SATB1: variants seen among roughly 807,000 people sequenced by gnomAD.
SATB1 encodes the protein DNA-binding protein SATB1.
Under a neutral mutation model 86.9 loss-of-function variants are expected in SATB1, and 11 were observed. The ratio of observed to expected loss-of-function variants is 0.13; its 90% CI spans 0.08 to 0.21. The LOEUF (loss-of-function observed/expected upper bound fraction) is 0.21, where lower values mean the gene tolerates loss of function less well. Ranked by LOEUF, SATB1 falls within the 10% of genes least tolerant of loss-of-function variation. The probability of loss-of-function intolerance (pLI) is 1.00; values close to 1 mark genes in which losing one functional copy is unlikely to be tolerated. For synonymous variants in SATB1, 357 were observed against 357.2 expected (o/e 1.00, Z 0.01); for missense variants, 551 against 937.6 (o/e 0.59, Z 5.39).
chr3:18,401,648 C>T (rs1165407720), intron 5 of SATB1, among the ~76,000 whole-genome samples: 2 of 152,130 alleles, frequency 1.3e-5, no homozygotes, highest in African/African-American at 2.4e-5. Flanking sequence ...CTACACGGTA[C>T]ACCAACCAAT....
At chr3:18,381,280 T>G (rs1696047076) in intron 8 of SATB1, among the ~76,000 whole-genome samples, 1 of 152,220 alleles carries the variant, frequency 6.6e-6, no homozygotes, top group Admixed American at 6.5e-5. Context: ...CAGCCTTGAT[T>G]GGTGAACATC....
rs777437474 is a variant in SATB1, at chr3:18,394,813, A to C, written c.855T>G (p.Pro285=). ...GCTGGCTGCCATGGGAGAGCTGCGC[A>C]GGGGATGGAGGCTGCTCGGCTGTGT... ...PGNTAEQPPS[P]AQLSHGSQPS... The change falls in exon 7 of 11, where the codon CCT becomes CCG. Residue 285 remains proline, a synonymous_variant. Transcript: ENST00000338745. The surrounding 1 kb of genome is among the most constrained non-coding windows in gnomAD (Gnocchi z 5.9). 2.5e-6 allele frequency: 4 copies of C among 1,614,022 alleles called. No homozygotes were observed. The highest frequency in any genetic ancestry group is 3.4e-6 in the Non-Finnish European group (4 of 1,180,032).
At chr3:18,430,618 A>G (rs973122975) in intron 2 of SATB1, among the ~76,000 whole-genome samples, 1 of 152,222 alleles carries the variant, frequency 6.6e-6, no homozygotes, top group Non-Finnish European at 1.5e-5. Flanking sequence ...GGGCATCCAG[A>G]TAACAAATAA....
At chr3:18,384,355 G>T (rs768742652) in intron 8 of SATB1, among the ~76,000 whole-genome samples, 1 of 151,928 alleles carries the variant, frequency 6.6e-6, no homozygotes, top group African/African-American at 2.4e-5. Flanking sequence ...GATGAGTAAG[G>T]ACACCCAAAT....
At chr3:18,353,496 C>T (rs895602697) in intron 9 of SATB1, among the ~76,000 whole-genome samples, 11 of 151,972 alleles carry the variant, frequency 7.2e-5, no homozygotes, top group African/African-American at 1.9e-4. Flanking sequence ...AGACATTTCT[C>T]GGAAATTTTA....
Position 18,424,589 on chromosome 3 carries a change from G to A in SATB1, c.-987C>T, listed in dbSNP as rs746502581. The A allele has an allele frequency of 6.6e-6, 1 of 152,222 alleles. No individual in the cohort carries two copies. 9.4% of individuals were successfully genotyped at this position (152,222 alleles called of 1,614,324 possible). A position where few individuals can be genotyped will look rare whatever the true frequency, so the allele number is the denominator to read the frequency against. ...AGGAGAGAAGAGGTTCGGGGGGAGG[G>A]GGAGGAGGAGGAAGATCAGAAGGCA... is the stretch of plus-strand genomic sequence containing the variant. On this transcript the variant is annotated 5_prime_UTR_variant, in exon 1 of 11. Coordinates refer to ENST00000338745, the MANE Select transcript of SATB1 (RefSeq NM_002971.6).
At chr3:18,410,603 T>A (rs1295949040) in intron 5 of SATB1, among the ~76,000 whole-genome samples, 2 of 152,062 alleles carry the variant, frequency 1.3e-5, no homozygotes, top group Admixed American at 6.6e-5. Context: ...TCCTTAACAC[T>A]ACATAGGAAA....
intron 5 of SATB1, among the ~76,000 whole-genome samples, chr3:18,410,539 C>G (rs1309194792): frequency 1.3e-5 from 2 of 151,976 alleles, no homozygotes; most frequent in African/African-American, 2.4e-5. Context: ...CTCGATACAT[C>G]AAAAGCACTA....
chr3:18,415,318 T>C, intron 4 of SATB1, 84 bp from the exon 5 acceptor site: 1 of 1,518,402 alleles, frequency 6.6e-7, no homozygotes, highest in South Asian at 1.2e-5. Flanking sequence ...ACAGATTTCA[T>C]TTTGCGCATC....
Position 18,420,929 on chromosome 3 carries a change from A to G in SATB1, c.39T>C (p.His13=), listed in dbSNP as rs1340251757. 1.9e-6 allele frequency: 3 copies of G among 1,614,152 alleles called. No individual in the cohort carries two copies. Among genetic ancestry groups the G allele is most frequent in the South Asian group, 2.2e-5 (2 of 91,082 alleles). The change falls in exon 2 of 11, where the codon CAT becomes CAC. Residue 13 remains histidine, a synonymous_variant. Transcript: ENST00000338745. The stretch of plus-strand genomic sequence containing the variant: ...CACTCACATTGTTAGACATTTCTGA[A>G]TGTTCTTTCCCCTGAGTTGCCTCGT... ...HLNEATQGKE[H]SEMSNNVSDP... is the part of the protein sequence containing the mutation.
chr3:18,372,478 T>C (rs1384731142), intron 9 of SATB1, among the ~76,000 whole-genome samples: 1 of 152,226 alleles, frequency 6.6e-6, no homozygotes, highest in African/African-American at 2.4e-5. Flanking sequence ...CTGTTCATTT[T>C]TTTAAAGGTA....
chr3:18,392,802 T>C (rs1327054851), intron 7 of SATB1, among the ~76,000 whole-genome samples: 2 of 152,026 alleles, frequency 1.3e-5, no homozygotes, highest in African/African-American at 4.8e-5. Flanking sequence ...TTTTGAGCCA[T>C]TCATTTTCAA....
At chr3:18,373,191 A>T (rs1048818137) in intron 9 of SATB1, among the ~76,000 whole-genome samples, 2 of 152,290 alleles carry the variant, frequency 1.3e-5, no homozygotes, top group East Asian at 3.9e-4. Context: ...GCCCAAGAGA[A>T]GGGGCTCTTA....
rs1043762605 is a variant in SATB1 at position 18,414,861 on chromosome 3, G to A, written c.639+250C>T. ...AAGACAAATCTAAAAATTAGCCAGC[G>A]GAGTCTTCCACTGAACTGTTTTTCC... On this transcript the variant is annotated intron_variant, in intron 5 of 10. Coordinates refer to ENST00000338745, the MANE Select transcript of SATB1 (RefSeq NM_002971.6). 25 of 362,408 alleles carry A rather than the reference G, an allele frequency of 6.9e-5. 1 individual carries two copies. In the Admixed American group the frequency reaches 7.0e-4, roughly 10 times the overall value. 22.4% of individuals were successfully genotyped at this position (362,408 alleles called of 1,614,324 possible).
At chr3:18,445,356 T>G (rs1699365159) in intron 1 of SATB1, 2 of 782,016 alleles carry the variant, frequency 2.6e-6, no homozygotes, top group Admixed American at 1.5e-4. Flanking sequence ...GGCCGGGGTG[T>G]GGGGGGCGGC....
chr3:18,385,589 C>T (rs1027656180), intron 8 of SATB1, among the ~76,000 whole-genome samples: 4 of 150,270 alleles, frequency 2.7e-5, no homozygotes, highest in African/African-American at 9.8e-5. Context: ...TGCCACTGCA[C>T]TCCAGCCTGG....
At chr3:18,400,531 T>C (rs1697206155) in intron 5 of SATB1, among the ~76,000 whole-genome samples, 3 of 152,194 alleles carry the variant, frequency 2.0e-5, no homozygotes, top group Admixed American at 6.5e-5. Flanking sequence ...AAAATTCATT[T>C]AGCATATACT....
intron 2 of SATB1, among the ~76,000 whole-genome samples, chr3:18,435,832 A>G (rs1257947609): frequency 6.6e-6 from 1 of 152,164 alleles, no homozygotes; most frequent in Non-Finnish European, 1.5e-5. Flanking sequence ...GGATGGCAAC[A>G]TATCAACAAT....
intron 2 of SATB1, among the ~76,000 whole-genome samples, chr3:18,435,639 A>C (rs1403547820): frequency 6.6e-6 from 1 of 152,156 alleles, no homozygotes; most frequent in Non-Finnish European, 1.5e-5. Context: ...TACTTTCTTT[A>C]ATTTTGAAAA....
Sources: gnomAD v4.1 joint callset for allele counts (sites outside exome capture counted in the v4.1 genomes callset) on GRCh38, gnomAD v4.1.1 for gene constraint, Gnocchi (gnomAD v3.1) non-coding constraint, MANE v1.5 for transcripts, NCBI Gene and HGNC (gene_info 2026-07-23, HGNC 2026-07-21) for gene names.